Variants in CENPK observed in about 807,000 individuals in gnomAD.
CENPK encodes SoxLZ/Sox6-binding protein Solt.
In CENPK, 46 loss-of-function variants were observed where a neutral mutation model predicts 40.9. The ratio of observed to expected loss-of-function variants is 1.13; its 90% confidence interval spans 0.89 to 1.44. The LOEUF is 1.44. Among genes scored for constraint, CENPK ranks in the 40% most tolerant of loss-of-function variants. The pLI is 0.00. For synonymous variants in CENPK, 107 were observed against 104.4 expected (o/e 1.02, Z -0.15); for missense variants, 288 against 303.5 (o/e 0.95, Z 0.38).
intron 9 of CENPK, among the ~76,000 whole-genome samples, chr5:65,525,639 A>G (rs1322080108): frequency 6.6e-6 from 1 of 152,206 alleles, no homozygotes; most frequent in African/African-American, 2.4e-5. Flanking sequence ...CCCAAAATTT[A>G]TATGTGGAAG....
At chr5:65,515,110 T>C (rs1370686398), downstream of CENPK, among the ~76,000 whole-genome samples, 1 of 152,108 alleles carries the variant, frequency 6.6e-6, no homozygotes, top group Non-Finnish European at 1.5e-5. Context: ...CTAAAGTAGA[T>C]GCTTATTGAT....
At chr5:65,531,462 G>A (rs1405259964) in intron 6 of CENPK, among the ~76,000 whole-genome samples, 3 of 148,968 alleles carry the variant, frequency 2.0e-5, no homozygotes, top group Non-Finnish European at 4.4e-5. Flanking sequence ...TTTCTGGGAT[G>A]AAGCAAAAGC....
chr5:65,543,807 G>A (rs895164247), intron 5 of CENPK, among the ~76,000 whole-genome samples: 3 of 152,184 alleles, frequency 2.0e-5, no homozygotes, highest in Admixed American at 2.0e-4. Flanking sequence ...TTCAGAGAAT[G>A]AAATGTGTAC....
chr5:65,534,721 C>T (rs1746564692), intron 6 of CENPK, among the ~76,000 whole-genome samples: 1 of 152,152 alleles, frequency 6.6e-6, no homozygotes, highest in African/African-American at 2.4e-5. Context: ...ACTATATATA[C>T]ATAAACATTA....
At chr5:65,556,435 A>G (rs911643759) in intron 2 of CENPK, among the ~76,000 whole-genome samples, 1 of 152,190 alleles carries the variant, frequency 6.6e-6, no homozygotes, top group Non-Finnish European at 1.5e-5. Context: ...TGATCACACC[A>G]CTGCATTTCA....
At chr5:65,502,867 G>A in the CENPK span, among the ~76,000 whole-genome samples, 1 of 151,886 alleles carries the variant, frequency 6.6e-6, no homozygotes, top group East Asian at 1.9e-4. Flanking sequence ...GTGCAGTGGT[G>A]CAAGCTCGGC....
chr5:65,537,709 T>A (rs1015136383), intron 6 of CENPK, among the ~76,000 whole-genome samples: 1 of 152,328 alleles, frequency 6.6e-6, no homozygotes, highest in South Asian at 2.1e-4. Context: ...TCATTTAGCA[T>A]GTTTTCAAGG....
Position 65,518,609 on chromosome 5 carries a change from C to T in CENPK, c.676G>A (p.Val226Ile), listed in dbSNP as rs769017086. The T allele has an allele frequency of 1.4e-5, 23 of 1,589,096 alleles. No individual in the cohort carries two copies. In the East Asian group the frequency reaches 5.1e-4, roughly 36 times the overall value. ...ATTTTGACATATGGATCATGTGGAA[C>T]ATCAAATAATCTATTTATAAGAATC... is the stretch of plus-strand genomic sequence containing the variant. ...LEILINRLFD[V>I]PHDPYVKISD... is the part of the protein sequence containing the mutation. Residue 226 changes from valine (V) to isoleucine (I), a missense_variant, in exon 11 of 11, where the codon GTT becomes ATT. Transcript: ENST00000396679.
In CENPK at chr5:65,552,515, G is replaced by A. The variant is rs946304876; in HGVS notation, c.146C>T (p.Thr49Ile). ...TACCTGAGCATTTGAATCGGTGAGT[G>A]TTTCAGTTCCAATAAGTGATAATTT... is the stretch of plus-strand genomic sequence containing the variant. ...QNKLSLIGTE[T>I]LTDSNAQLSL... The change falls in exon 4 of 11, where the codon ACA becomes ATA. Residue 49 changes from threonine (T) to isoleucine (I), a missense_variant. Transcript: ENST00000396679. 1 of 1,560,490 alleles carries A rather than the reference G, an allele frequency of 6.4e-7. No homozygotes were observed. Among genetic ancestry groups the A allele is most frequent in the Non-Finnish European group, 8.7e-7 (1 of 1,155,286 alleles).
intron 9 of CENPK, among the ~76,000 whole-genome samples, chr5:65,522,323 T>C (rs1417653815): frequency 6.6e-6 from 1 of 152,196 alleles, no homozygotes; most frequent in Non-Finnish European, 1.5e-5. Context: ...ATAAATCTCA[T>C]TCCAATTCTA....
chr5:65,551,659 C>T, intron 4 of CENPK, 23 bp from the exon 5 acceptor site: 2 of 1,373,228 alleles, frequency 1.5e-6, no homozygotes, highest in African/African-American at 1.5e-5. Flanking sequence ...AAAACAAAGT[C>T]ATTTTCTGTG....
the CENPK span, among the ~76,000 whole-genome samples, chr5:65,498,648 AGAGACAGGGTCTGATTCTGTCTCTTTTTT>A: frequency 1.4e-5 from 1 of 71,604 alleles, no homozygotes; most frequent in African/African-American, 5.7e-5. Context: ...TTTTTTTTTT[AGAGACAGGGTCTGATTCTGTCTCTTTTTT>A]GAGACAGGGT....
chr5:65,496,334 T>A, the CENPK span, among the ~76,000 whole-genome samples: 7 of 152,170 alleles, frequency 4.6e-5, no homozygotes, highest in African/African-American at 1.7e-4. Context: ...AAGACATTGA[T>A]CACGGTGCTA....
At chr5:65,510,027 A>G in the CENPK span, among the ~76,000 whole-genome samples, 1 of 152,230 alleles carries the variant, frequency 6.6e-6, no homozygotes, top group South Asian at 2.1e-4. Flanking sequence ...AAGCCTCCAT[A>G]GTCCCTGAGA....
At chr5:65,546,231 C>A (rs1424778653) in intron 5 of CENPK, among the ~76,000 whole-genome samples, 1 of 125,200 alleles carries the variant, frequency 8.0e-6, no homozygotes, top group Non-Finnish European at 1.7e-5. Flanking sequence ...CTCCCCTGCC[C>A]CCCCGCTCAG....
At chr5:65,515,375 T>C (rs1449979139), downstream of CENPK, among the ~76,000 whole-genome samples, 1 of 151,764 alleles carries the variant, frequency 6.6e-6, no homozygotes, top group African/African-American at 2.4e-5. Flanking sequence ...GCTAATTTTT[T>C]ATATTTTAGT....
rs187823234 is a variant in CENPK at position 65,559,400 on chromosome 5, C to T, written c.-40+2063G>A. On this transcript the variant is annotated intron_variant, in intron 2 of 10. Coordinates refer to ENST00000396679, the MANE Select transcript of CENPK (RefSeq NM_022145.5). ...ATCCCAGCACTTTGGGAGGCCGAGGCGGGCGGATCACGAGGTCAGGAGATC... is the reference window on the plus strand; with the variant it reads ...ATCCCAGCACTTTGGGAGGCCGAGGTGGGCGGATCACGAGGTCAGGAGATC... Among the ~76,000 whole-genome samples the T allele has an allele frequency of 3.3e-3, 504 of 151,986 alleles. 2 individuals carry two copies. Among genetic ancestry groups the T allele is most frequent in the African/African-American group, 0.011 (470 of 41,450 alleles).
At chr5:65,520,911 T>G (rs544498162) in intron 10 of CENPK, among the ~76,000 whole-genome samples, 1 of 152,228 alleles carries the variant, frequency 6.6e-6, no homozygotes, top group South Asian at 2.1e-4. Context: ...ATGGTTGAGG[T>G]TCAAAAACAT....
chr5:65,545,342 A>T (rs1170546418), intron 5 of CENPK, among the ~76,000 whole-genome samples: 1 of 61,692 alleles, frequency 1.6e-5, no homozygotes, highest in Non-Finnish European at 4.0e-5. Context: ...ACACACACAC[A>T]CACACACACA....
Sources: allele counts gnomAD v4.1 joint callset (sites outside exome capture counted in the v4.1 genomes callset), GRCh38; gene constraint gnomAD v4.1.1; transcripts MANE v1.5; gene names NCBI Gene and HGNC (gene_info 2026-07-23, HGNC 2026-07-21).